CLK3: variants seen among roughly 807,000 people sequenced by gnomAD.
CLK3 encodes dual specificity protein kinase CLK3.
A neutral mutation model predicts 65.2 loss-of-function variants in CLK3; 24 were observed. The ratio of observed to expected loss-of-function variants is 0.37; its 90% CI spans 0.27 to 0.52. CLK3 has a LOEUF of 0.52. Among genes scored for constraint, CLK3 ranks in the 20% least tolerant of loss-of-function variants. The probability of loss-of-function intolerance (pLI) is 0.92; values close to 1 mark genes in which losing one functional copy is unlikely to be tolerated. For synonymous variants in CLK3, 252 were observed against 240.8 expected, an observed-to-expected ratio of 1.05 and a Z score of -0.43; for missense variants, 506 against 660.0, an observed-to-expected ratio of 0.77 and a Z score of 2.56.
In CLK3 at chr15:74,619,315, G is replaced by A; in HGVS notation, c.119G>A (p.Arg40Lys). ...HEGRLRYPSR[R>K]EPPPRRSRSR... ...GGGAGACTGCGATACCCGTCCCGAA[G>A]GGAGCCTCCCCCACGAAGATCTCGG... Residue 40 changes from arginine (R) to lysine (K), a missense_variant, in exon 2 of 13, where the codon AGG becomes AAG. Coordinates refer to ENST00000395066, the MANE Select transcript of CLK3 (RefSeq NM_001130028.2). 1 of 1,614,150 alleles carries A rather than the reference G, an allele frequency of 6.2e-7. No homozygotes were observed. Among genetic ancestry groups the A allele is most frequent in the Non-Finnish European group, 8.5e-7 (1 of 1,179,988 alleles).
In CLK3 at chr15:74,620,163, A is replaced by G. The variant is rs1345014283; in HGVS notation, c.307A>G (p.Thr103Ala). The change falls in exon 3 of 13, where the codon ACC (threonine) becomes GCC (alanine). Residue 103 changes from threonine to alanine, a missense_variant. Transcript: ENST00000395066. ...ATCGCGGGAGAGGGGGCCATACCGG[A>G]CCCGCAAGCATGCCCACCACTGCCA... ...RRSRERGPYR[T>A]RKHAHHCHKR... 1 of 1,613,932 alleles carries G rather than the reference A, an allele frequency of 6.2e-7. No individual in the cohort carries two copies. Among genetic ancestry groups the G allele is most frequent in the South Asian group, 1.1e-5 (1 of 91,082 alleles).
rs1190411126 is a variant in CLK3, at chr15:74,622,709, G to A, written c.533+149G>A. The A allele has an allele frequency of 1.1e-5, 6 of 541,300 alleles. No individual in the cohort carries two copies. Among genetic ancestry groups the A allele is most frequent in the Non-Finnish European group, 1.9e-5 (6 of 314,276 alleles). 33.5% of individuals were successfully genotyped at this position (541,300 alleles called of 1,614,324 possible). A position where few individuals can be genotyped will look rare whatever the true frequency, so the allele number is the denominator to read the frequency against. On this transcript the variant is annotated intron_variant, in intron 5 of 12. Transcript: ENST00000395066. The surrounding 1 kb of genome is among the most constrained non-coding windows in gnomAD (Gnocchi z 4.6). ...AGTAGGGTTCCGACCTGTCCATGTT[G>A]GGGTTTTGCTGACCCCCTGTAATAA...
At chr15:74,628,184 T>G in intron 10 of CLK3, 132 bp downstream of exon 10, 1 of 698,482 alleles carries the variant, frequency 1.4e-6, no homozygotes, top group South Asian at 1.6e-5. Context: ...TCATGTGAGA[T>G]TCAGACCCTT....
chr15:74,618,277 C>T (rs960439656), intron 1 of CLK3, among the ~76,000 whole-genome samples: 1 of 152,202 alleles, frequency 6.6e-6, no homozygotes, highest in African/African-American at 2.4e-5. Flanking sequence ...CAGCTTTCTC[C>T]GCTGGTGGCA....
chr15:74,615,228 C>T (rs556738272), upstream of CLK3: 6 of 406,252 alleles, frequency 1.5e-5, no homozygotes, highest in South Asian at 6.8e-4. Flanking sequence ...GGGATCTCCT[C>T]CCTCCAGACT....
chr15:74,628,321 C>G (rs2062160265), intron 10 of CLK3, among the ~76,000 whole-genome samples: 1 of 152,030 alleles, frequency 6.6e-6, no homozygotes, highest in East Asian at 1.9e-4. Context: ...ATAAGGGGCA[C>G]AGATGACTAA....
At chr15:74,611,329 A>C (rs1428234366), upstream of CLK3, among the ~76,000 whole-genome samples, 2 of 152,226 alleles carry the variant, frequency 1.3e-5, no homozygotes, top group Non-Finnish European at 2.9e-5. Context: ...TCAGCCTGCT[A>C]AGGGGATCTT....
At chr15:74,610,193 C>T (rs773595092) in intron 1 of CLK3, among the ~76,000 whole-genome samples, 10 of 152,354 alleles carry the variant, frequency 6.6e-5, no homozygotes, top group Non-Finnish European at 1.2e-4. Flanking sequence ...GTCCAAATGC[C>T]GCTAGGCCTT....
chr15:74,609,906 C>G (rs1237164413), intron 1 of CLK3, among the ~76,000 whole-genome samples: 3 of 152,262 alleles, frequency 2.0e-5, no homozygotes, highest in Non-Finnish European at 4.4e-5. Flanking sequence ...ACAAGCTCTC[C>G]TCTGCTCTCT....
Position 74,624,531 on chromosome 15 carries a change from C to CGT in CLK3, c.534-371_534-370insGT. On this transcript the variant is annotated intron_variant, in intron 5 of 12. Coordinates refer to ENST00000395066, the MANE Select transcript of CLK3 (RefSeq NM_001130028.2). The surrounding 1 kb of genome is among the most constrained non-coding windows in gnomAD (Gnocchi z 4.2). ...CGCCGCAGGAGGGTTCTCGGTGGGA[C>CGT]AGCCTGGCCAGGGTTGGGGCTGCCT... 5.4e-6 allele frequency: 1 copy of CGT among 186,746 alleles called. No individual in the cohort carries two copies. The highest frequency in any genetic ancestry group is 1.1e-5 in the Non-Finnish European group (1 of 92,652). 11.6% of individuals were successfully genotyped at this position (186,746 alleles called of 1,614,324 possible).
intron 12 of CLK3, chr15:74,629,354 G>GA: frequency 1.9e-6 from 1 of 529,728 alleles, no homozygotes; most frequent in East Asian, 3.4e-5. Context: ...GGACTGAGGT[G>GA]AGGGGGAGGG....
At chr15:74,619,443 C>T (rs2062084513) in intron 2 of CLK3, 95 bp downstream of exon 2, 1 of 1,398,268 alleles carries the variant, frequency 7.2e-7, no homozygotes, top group Non-Finnish European at 9.9e-7. Context: ...CATCCCTGCC[C>T]AGCTGTCCCT....
At position 74,625,947 on chromosome 15, in the gene CLK3, C is replaced by T; in HGVS notation, c.796C>T (p.Gln266Ter). Residue 266 changes from glutamine to a stop codon, truncating the protein, a stop_gained, in exon 7 of 13, where the codon CAG (glutamine) becomes TAG (stop). Transcript: ENST00000395066. LOFTEE classifies it high-confidence loss of function. ...ACCACATGTCCGGCACATGGCCTAC[C>T]AGCTCTGCCACGCCCTTAGATGTAA... Reference protein sequence around the residue: ...PLPHVRHMAYQLCHALRFLHE... With the variant: ...PLPHVRHMAY 6.2e-7 allele frequency: 1 copy of T among 1,614,148 alleles called. No individual in the cohort carries two copies. Among genetic ancestry groups the T allele is most frequent in the Non-Finnish European group, 8.5e-7 (1 of 1,179,986 alleles).
chr15:74,619,246 G>A lies in CLK3; in HGVS notation c.50G>A (p.Ser17Asn), dbSNP rs200787328. 3 of 1,614,206 alleles carry A rather than the reference G, an allele frequency of 1.9e-6. No homozygotes were observed. In the African/African-American group the frequency reaches 4.0e-5, roughly 22 times the overall value. Reference sequence around the variant, plus strand: ...TCCCCTGAACCAGACCCGTACCTGAGCTACCGATGGAAGAGGAGGAGGTCC... The same window carrying A: ...TCCCCTGAACCAGACCCGTACCTGAACTACCGATGGAAGAGGAGGAGGTCC... Reference protein sequence around the residue: ...YRSPEPDPYLSYRWKRRRSYS... With the variant: ...YRSPEPDPYLNYRWKRRRSYS... Residue 17 changes from serine (S) to asparagine (N), a missense_variant, in exon 2 of 13, where the codon AGC becomes AAC. By Grantham distance (46) the Ser-to-Asn change is conservative. Transcript: ENST00000395066.
chr15:74,619,174 G>T (rs370447220), intron 1 of CLK3, 23 bp from the exon 2 acceptor site: 4 of 1,612,634 alleles, frequency 2.5e-6, no homozygotes, highest in Non-Finnish European at 3.4e-6. Context: ...GTTTAGCAGG[G>T]CTCTCTGTTC....
Position 74,622,761 on chromosome 15 carries a change from A to G in CLK3, c.533+201A>G, listed in dbSNP as rs2062113633. Among the ~76,000 whole-genome samples the G allele has an allele frequency of 1.3e-5, 2 of 152,236 alleles. No individual in the cohort carries two copies. Among genetic ancestry groups the G allele is most frequent in the Non-Finnish European group, 2.9e-5 (2 of 68,012 alleles). ...GGAGAAATTCTTGGGTCCTGCAGTT[A>G]TGTGGCATCCCTACCCAAGAATTGT... On this transcript the variant is annotated intron_variant, in intron 5 of 12. Coordinates refer to ENST00000395066, the MANE Select transcript of CLK3 (RefSeq NM_001130028.2). This position sits in a 1 kb window ranked among gnomAD's most constrained non-coding sequence, Gnocchi z 4.6.
intron 1 of CLK3, among the ~76,000 whole-genome samples, chr15:74,616,892 C>T (rs2062064672): frequency 6.6e-6 from 1 of 152,232 alleles, no homozygotes; most frequent in Non-Finnish European, 1.5e-5. Context: ...TGGTTTTCTT[C>T]ATATCACCTT....
intron 7 of CLK3, among the ~76,000 whole-genome samples, chr15:74,626,671 G>GT (rs981798596): frequency 1.1e-4 from 17 of 152,340 alleles, no homozygotes; most frequent in Admixed American, 1.1e-3. Flanking sequence ...CCTGGAGCCT[G>GT]TTAACGGGCT....
At chr15:74,625,260 A>T (rs2062134637) in intron 6 of CLK3, among the ~76,000 whole-genome samples, 1 of 152,202 alleles carries the variant, frequency 6.6e-6, no homozygotes, top group African/African-American at 2.4e-5. Flanking sequence ...TCACTGGGTT[A>T]TGCTGGGCAT....
Sources: allele counts gnomAD v4.1 joint callset (sites outside exome capture counted in the v4.1 genomes callset), GRCh38; gene constraint gnomAD v4.1.1; non-coding constraint Gnocchi (gnomAD v3.1); transcripts MANE v1.5; gene names NCBI Gene and HGNC (gene_info 2026-07-23, HGNC 2026-07-21).